The following PTPRM variants were observed in gnomAD, a reference collection of about 807,000 sequenced individuals.
The protein encoded by PTPRM is protein tyrosine phosphatase receptor type M.
Under a neutral mutation model 186.7 loss-of-function variants are expected in PTPRM, and 47 were observed. That is an observed-to-expected ratio of 0.25 (90% CI 0.20 to 0.32). PTPRM has a LOEUF of 0.32. PTPRM is among the 10% of genes least tolerant of loss of function. The pLI, the probability that PTPRM is intolerant of heterozygous loss-of-function variation, is 1.00. For synonymous variants in PTPRM, 668 were observed against 674.9 expected, an observed-to-expected ratio of 0.99 and a Z score of 0.16; for missense variants, 1,494 against 1,865.0, an observed-to-expected ratio of 0.80 and a Z score of 3.66.
chr18:8,067,218 G>A (rs1468707), intron 7 of PTPRM, among the ~76,000 whole-genome samples: 15,999 of 152,136 alleles, frequency 0.11, 898 homozygotes, highest in African/African-American at 0.13. Flanking sequence ...ATAAGGAAAA[G>A]GGCAAAGGGA....
At chr18:7,767,698 T>G (rs983532829) in intron 1 of PTPRM, among the ~76,000 whole-genome samples, 7 of 152,218 alleles carry the variant, frequency 4.6e-5, no homozygotes, top group African/African-American at 1.7e-4. Context: ...AGCCTTGCTG[T>G]CTAATAATTG....
chr18:8,100,360 T>C (rs575893), intron 11 of PTPRM, among the ~76,000 whole-genome samples: 152,213 of 152,238 alleles, frequency 1, 76,094 homozygotes, highest in Middle Eastern at 1. Flanking sequence ...AAGCTGGTTG[T>C]GAACTCCTGA....
intron 14 of PTPRM, among the ~76,000 whole-genome samples, chr18:8,222,846 T>G (rs533268667): frequency 2.0e-4 from 31 of 152,272 alleles, no homozygotes; most frequent in Non-Finnish European, 4.0e-4. Flanking sequence ...TCCCAGCTGA[T>G]CAGAAGGCTG....
chr18:7,766,337 A>T (rs1394105775), intron 1 of PTPRM, among the ~76,000 whole-genome samples: 1 of 152,138 alleles, frequency 6.6e-6, no homozygotes, highest in Non-Finnish European at 1.5e-5. Context: ...AATACAAGAG[A>T]TGGGTTAGTA....
Position 7,807,408 on chromosome 18 carries a change from T to TA in PTPRM, c.196+33142dup, listed in dbSNP as rs534966286. Among the ~76,000 whole-genome samples the TA allele has an allele frequency of 1.6e-3, 239 of 152,362 alleles. 1 individual carries two copies. Among genetic ancestry groups the TA allele is most frequent in the African/African-American group, 5.3e-3 (220 of 41,582 alleles). Reference sequence around the variant, plus strand: ...TGACACTTTAGTGGTTGCTTTAAATTAAAAACAGCTGATACGCATAGGTTT... The same window carrying TA: ...TGACACTTTAGTGGTTGCTTTAAATTAAAAAACAGCTGATACGCATAGGTTT... On this transcript the variant is annotated intron_variant, in intron 2 of 32. Coordinates refer to ENST00000580170, the MANE Select transcript of PTPRM (RefSeq NM_001105244.2).
chr18:8,228,172 C>T (rs1352372534), intron 14 of PTPRM, among the ~76,000 whole-genome samples: 1 of 152,140 alleles, frequency 6.6e-6, no homozygotes, highest in African/African-American at 2.4e-5. Flanking sequence ...GGGCAGAATG[C>T]CTCTTATGTG....
intron 7 of PTPRM, among the ~76,000 whole-genome samples, chr18:7,977,007 T>G (rs1279825742): frequency 6.6e-6 from 1 of 152,122 alleles, no homozygotes; most frequent in African/African-American, 2.4e-5. Flanking sequence ...GGGGATCAAT[T>G]GTAAATCCAT....
chr18:8,150,208 A>G (rs1435393422), intron 14 of PTPRM, among the ~76,000 whole-genome samples: 2 of 152,094 alleles, frequency 1.3e-5, no homozygotes, highest in African/African-American at 4.8e-5. Flanking sequence ...TAGATTGGGG[A>G]AGTTCTCCTG....
At chr18:7,903,878 G>A (rs879365265) in intron 3 of PTPRM, among the ~76,000 whole-genome samples, 2 of 152,084 alleles carry the variant, frequency 1.3e-5, no homozygotes, top group Non-Finnish European at 2.9e-5. Flanking sequence ...AATAATGCAG[G>A]CCTAGGATCA....
intron 2 of PTPRM, among the ~76,000 whole-genome samples, chr18:7,798,868 C>G (rs2043808564): frequency 6.6e-6 from 1 of 152,160 alleles, no homozygotes; most frequent in Non-Finnish European, 1.5e-5. Flanking sequence ...TAAACATATA[C>G]CTATATGTAT....
intron 1 of PTPRM, chr18:7,741,733 A>G (rs1188032437): frequency 1.3e-5 from 2 of 152,204 alleles, no homozygotes; most frequent in African/African-American, 2.4e-5. Flanking sequence ...GATTAGCTTC[A>G]TATTTCAGGG....
intron 21 of PTPRM, among the ~76,000 whole-genome samples, chr18:8,317,045 T>C (rs908862048): frequency 1.6e-4 from 25 of 152,134 alleles, no homozygotes; most frequent in African/African-American, 5.8e-4. Context: ...AGGTCCACAG[T>C]TGTAAGGACT....
At chr18:7,581,229 C>T (rs1011073556) in intron 1 of PTPRM, among the ~76,000 whole-genome samples, 2 of 152,168 alleles carry the variant, frequency 1.3e-5, no homozygotes, top group Non-Finnish European at 2.9e-5. Context: ...CCAAGTCTTC[C>T]TTGCTAAGCA....
At chr18:8,016,530 CAAAA>C (rs563624187) in intron 7 of PTPRM, among the ~76,000 whole-genome samples, 1 of 70,208 alleles carries the variant, frequency 1.4e-5, no homozygotes. Flanking sequence ...AAGAGTCTGT[CAAAA>C]AAAAAAAAAA....
rs187968337 is a variant in PTPRM at position 8,364,473 on chromosome 18, A to G, written c.3055-6417A>G. Among the ~76,000 whole-genome samples, 3 of 152,290 alleles carry G rather than the reference A, an allele frequency of 2.0e-5. No homozygotes were observed. In the East Asian group the frequency reaches 5.8e-4, roughly 29 times the overall value. ...GTGTTCTCAGGATATTTAAATGAGT[A>G]ATATTTTATTCCTGTGAGACCTCTA... is the stretch of plus-strand genomic sequence containing the variant. On this transcript the variant is annotated intron_variant, in intron 23 of 32. Coordinates refer to ENST00000580170, the MANE Select transcript of PTPRM (RefSeq NM_001105244.2).
chr18:7,735,473 A>G (rs1568063159), intron 1 of PTPRM, among the ~76,000 whole-genome samples: 1 of 152,186 alleles, frequency 6.6e-6, no homozygotes, highest in Non-Finnish European at 1.5e-5. Context: ...CTTAAGACTG[A>G]TAGAACATAG....
chr18:8,403,483 G>A (rs2095883405), intron 32 of PTPRM: 1 of 152,004 alleles, frequency 6.6e-6, no homozygotes, highest in Admixed American at 6.5e-5. Context: ...AATGCACTAT[G>A]AACATTCATT....
chr18:7,776,791 G>A (rs1291213067), intron 2 of PTPRM, among the ~76,000 whole-genome samples: 1 of 152,200 alleles, frequency 6.6e-6, no homozygotes, highest in Non-Finnish European at 1.5e-5. Flanking sequence ...ATGTGGAGCT[G>A]TGCCCAGCTG....
intron 1 of PTPRM, among the ~76,000 whole-genome samples, chr18:7,580,932 A>G (rs554271730): frequency 6.6e-6 from 1 of 152,348 alleles, no homozygotes; most frequent in South Asian, 2.1e-4. Flanking sequence ...GTATTATGTC[A>G]TATAAAATCC....
Sources: allele counts gnomAD v4.1 joint callset (sites outside exome capture counted in the v4.1 genomes callset), GRCh38; gene constraint gnomAD v4.1.1; transcripts MANE v1.5; gene names NCBI Gene and HGNC (gene_info 2026-07-23, HGNC 2026-07-21).